The following GNAO1 variants were observed in gnomAD, a reference collection of about 807,000 sequenced individuals.
GNAO1 encodes the protein guanine nucleotide-binding protein G(o) subunit alpha.
For synonymous variants in GNAO1, 164 were observed against 180.7 expected, an observed-to-expected ratio of 0.91 and a Z score of 0.74; for missense variants, 166 against 478.7, an observed-to-expected ratio of 0.35 and a Z score of 6.10.
At chr16:56,287,314 C>T (rs1261387225) in intron 3 of GNAO1, among the ~76,000 whole-genome samples, 11 of 152,340 alleles carry the variant, frequency 7.2e-5, no homozygotes, top group African/African-American at 2.2e-4. Context: ...GCTGGGGAGG[C>T]ACTGCCCCAG....
At chr16:56,211,287 TAAAC>T (rs1168654004) in intron 2 of GNAO1, among the ~76,000 whole-genome samples, 1 of 152,308 alleles carries the variant, frequency 6.6e-6, no homozygotes, top group African/African-American at 2.4e-5. Flanking sequence ...GATGATGAAA[TAAAC>T]GTGTTCAGGC....
chr16:56,215,007 G>A (rs1244936063), intron 2 of GNAO1, among the ~76,000 whole-genome samples: 1 of 152,208 alleles, frequency 6.6e-6, no homozygotes, highest in Non-Finnish European at 1.5e-5. Context: ...ATACCATGGT[G>A]TAGTGCACCA....
intron 7 of GNAO1, among the ~76,000 whole-genome samples, chr16:56,353,918 G>C (rs113760445): frequency 6.6e-6 from 1 of 152,194 alleles, no homozygotes; most frequent in Non-Finnish European, 1.5e-5. Context: ...GAATTGGTGG[G>C]GACAGAGGGC....
intron 6 of GNAO1, chr16:56,344,652 A>G: frequency 2.0e-6 from 2 of 984,768 alleles, no homozygotes; most frequent in Non-Finnish European, 2.4e-6. Flanking sequence ...GAGCGGGGGG[A>G]GGGAGAGATG....
intron 2 of GNAO1, among the ~76,000 whole-genome samples, chr16:56,234,272 A>G (rs1462732777): frequency 4.6e-5 from 7 of 152,268 alleles, no homozygotes; most frequent in Non-Finnish European, 1.5e-5. Flanking sequence ...AGCCTAGGGA[A>G]TGCCAAAGGC....
At chr16:56,279,429 G>A (rs918874721) in intron 3 of GNAO1, among the ~76,000 whole-genome samples, 5 of 152,132 alleles carry the variant, frequency 3.3e-5, no homozygotes, top group Non-Finnish European at 7.4e-5. Context: ...CACACCCCAG[G>A]CCCCAGCCTC....
At chr16:56,208,952 T>G (rs1335061706) in intron 2 of GNAO1, among the ~76,000 whole-genome samples, 1 of 152,174 alleles carries the variant, frequency 6.6e-6, no homozygotes, top group African/African-American at 2.4e-5. Flanking sequence ...TTGTTAATGG[T>G]GTTTTATGCT....
At chr16:56,220,734 G>GT (rs201817848) in intron 2 of GNAO1, among the ~76,000 whole-genome samples, 1 of 151,400 alleles carries the variant, frequency 6.6e-6, no homozygotes, top group East Asian at 1.9e-4. Flanking sequence ...ATTAGCGTGG[G>GT]TTTTTTGTTG....
chr16:56,224,759 GC>G (rs1184104008), intron 2 of GNAO1, among the ~76,000 whole-genome samples: 1 of 152,244 alleles, frequency 6.6e-6, no homozygotes, highest in Non-Finnish European at 1.5e-5. Flanking sequence ...GAGCCACCGT[GC>G]CCGGCCCAGG....
intron 2 of GNAO1, among the ~76,000 whole-genome samples, chr16:56,240,637 T>G (rs1266640123): frequency 6.6e-6 from 1 of 152,150 alleles, no homozygotes; most frequent in African/African-American, 2.4e-5. Flanking sequence ...TGCCAAGTCC[T>G]CCATGTAATG....
chr16:56,211,017 A>G (rs952796228), intron 2 of GNAO1, among the ~76,000 whole-genome samples: 1 of 152,202 alleles, frequency 6.6e-6, no homozygotes, highest in Admixed American at 6.5e-5. Context: ...TGTAGATTCT[A>G]AGGCCCAGAG....
chr16:56,351,834 T>C lies in GNAO1; in HGVS notation c.877+297T>C. 2.8e-6 allele frequency: 1 copy of C among 358,632 alleles called. No individual in the cohort carries two copies. Among genetic ancestry groups the C allele is most frequent in the Non-Finnish European group, 5.2e-6 (1 of 193,576 alleles). 22.2% of individuals were successfully genotyped at this position (358,632 alleles called of 1,614,324 possible). ...GGATCACAGGCTTCCCCCTTCCTCC[T>C]GGTCACCCTCTAGAAGAGGTCTCAG... On this transcript the variant is annotated intron_variant, in intron 7 of 8. Coordinates refer to ENST00000262493, the MANE Select transcript of GNAO1 (RefSeq NM_020988.3). This position sits in a 1 kb window ranked among gnomAD's most constrained non-coding sequence, Gnocchi z 6.1.
At chr16:56,215,546 C>G (rs1214661606) in intron 2 of GNAO1, among the ~76,000 whole-genome samples, 1 of 152,122 alleles carries the variant, frequency 6.6e-6, no homozygotes, top group Non-Finnish European at 1.5e-5. Context: ...ATTACTGAGC[C>G]CAGTACTAGG....
intron 2 of GNAO1, among the ~76,000 whole-genome samples, chr16:56,229,362 G>A (rs1356931732): frequency 6.6e-6 from 1 of 152,004 alleles, no homozygotes; most frequent in East Asian, 1.9e-4. Context: ...ACACCACCTC[G>A]CCTGACTAAT....
chr16:56,282,165 C>G (rs1169788178), intron 3 of GNAO1, among the ~76,000 whole-genome samples: 3 of 152,124 alleles, frequency 2.0e-5, no homozygotes. Context: ...TAAGTTTAAA[C>G]CCCAATTCTA....
intron 2 of GNAO1, among the ~76,000 whole-genome samples, chr16:56,245,113 G>A (rs1420982684): frequency 1.3e-5 from 2 of 152,008 alleles, no homozygotes; most frequent in Non-Finnish European, 2.9e-5. Flanking sequence ...GAAAGCACTA[G>A]ACAACATTTA....
intron 2 of GNAO1, among the ~76,000 whole-genome samples, chr16:56,256,550 G>A (rs1157197411): frequency 5.9e-5 from 9 of 152,156 alleles, no homozygotes; most frequent in African/African-American, 2.2e-4. Context: ...AAAGGCCTCA[G>A]CAGTTCTCTA....
chr16:56,245,810 T>C (rs1238103344), intron 2 of GNAO1, among the ~76,000 whole-genome samples: 2 of 152,116 alleles, frequency 1.3e-5, no homozygotes, highest in African/African-American at 4.8e-5. Flanking sequence ...AACATAGCAA[T>C]TGAGACACAG....
intron 2 of GNAO1, among the ~76,000 whole-genome samples, chr16:56,224,558 G>A (rs577270326): frequency 1.3e-5 from 2 of 152,332 alleles, no homozygotes; most frequent in South Asian, 4.1e-4. Context: ...GCTCACTGCA[G>A]CTTTGCCTCC....
Sources: allele counts gnomAD v4.1 joint callset (sites outside exome capture counted in the v4.1 genomes callset), GRCh38; gene constraint gnomAD v4.1.1; non-coding constraint Gnocchi (gnomAD v3.1); transcripts MANE v1.5; gene names NCBI Gene and HGNC (gene_info 2026-07-23, HGNC 2026-07-21).